The following LPP variants were observed in gnomAD, a reference collection of about 807,000 sequenced individuals.
LPP encodes lipoma-preferred partner.
Under a neutral mutation model 60.4 loss-of-function variants are expected in LPP, and 38 were observed. That is an observed-to-expected ratio of 0.63 (90% CI 0.49 to 0.83). The LOEUF (loss-of-function observed/expected upper bound fraction) is 0.83, where lower values mean the gene tolerates loss of function less well. Ranked by LOEUF, LPP falls within the 40% of genes least tolerant of loss-of-function variation. The pLI, the probability that LPP is intolerant of heterozygous loss-of-function variation, is 0.00. For missense variants in LPP, 902 were observed against 783.6 expected, an observed-to-expected ratio of 1.15 and a Z score of -1.80; for synonymous variants, 328 against 290.8, an observed-to-expected ratio of 1.13 and a Z score of -1.30.
At chr3:188,806,863 T>C (rs192425662) in intron 9 of LPP, among the ~76,000 whole-genome samples, 12 of 152,058 alleles carry the variant, frequency 7.9e-5, no homozygotes, top group Admixed American at 3.3e-4. Context: ...ATTTTACTTA[T>C]ATATATTCTA....
chr3:188,181,378 A>G (rs1724958902), intron 1 of LPP, among the ~76,000 whole-genome samples: 1 of 151,808 alleles, frequency 6.6e-6, no homozygotes, highest in Non-Finnish European at 1.5e-5. Context: ...AAAGAAGAAG[A>G]AAATAAAAAC....
intron 8 of LPP, 40 bp from the exon 9 acceptor site, chr3:188,760,073 T>A (rs775311383): frequency 1.2e-6 from 2 of 1,602,244 alleles, no homozygotes; most frequent in African/African-American, 1.3e-5. Flanking sequence ...AGGACTGAAG[T>A]ACTCCTTGGT....
chr3:188,551,299 T>C (rs1312484240), intron 6 of LPP, among the ~76,000 whole-genome samples: 1 of 152,116 alleles, frequency 6.6e-6, no homozygotes, highest in Admixed American at 6.5e-5. Flanking sequence ...ACTTATTGAC[T>C]ACCACGAGAA....
intron 3 of LPP, among the ~76,000 whole-genome samples, chr3:188,368,406 C>G (rs1489072223): frequency 6.7e-6 from 1 of 149,386 alleles, no homozygotes; most frequent in Non-Finnish European, 1.5e-5. Context: ...TCCCCTATGT[C>G]TTTAGGATAT....
intron 8 of LPP, among the ~76,000 whole-genome samples, chr3:188,728,485 C>G (rs1237106111): frequency 6.6e-6 from 1 of 152,092 alleles, no homozygotes; most frequent in Admixed American, 6.5e-5. Flanking sequence ...ATTAATTTGC[C>G]TGGGATCCTA....
At chr3:188,448,673 T>G (rs1433548510) in intron 4 of LPP, among the ~76,000 whole-genome samples, 1 of 152,102 alleles carries the variant, frequency 6.6e-6, no homozygotes, top group Non-Finnish European at 1.5e-5. Context: ...TCTGGAAATT[T>G]GTGTGGCCTG....
chr3:188,522,290 C>A (rs1381648672), intron 5 of LPP, among the ~76,000 whole-genome samples: 1 of 152,138 alleles, frequency 6.6e-6, no homozygotes, highest in Non-Finnish European at 1.5e-5. Context: ...GGCTAGCCTT[C>A]AAATCTGGGC....
intron 9 of LPP, among the ~76,000 whole-genome samples, chr3:188,814,548 A>T (rs574258515): frequency 6.6e-6 from 1 of 152,292 alleles, no homozygotes; most frequent in Non-Finnish European, 1.5e-5. Flanking sequence ...AATTCCATGT[A>T]CTTTTTTTCC....
At position 188,556,759 on chromosome 3, in the gene LPP, T is replaced by C. The variant is rs1050486545; in HGVS notation, c.429+31972T>C. 5.7e-5 allele frequency among the ~76,000 whole-genome samples: 8 copies of C among 140,504 alleles called. No homozygotes were observed. In the Admixed American group the frequency reaches 6.0e-4, roughly 11 times the overall value. 92.2% of individuals were successfully genotyped at this position (140,504 alleles called of 152,430 possible). On this transcript the variant is annotated intron_variant, in intron 6 of 11. Transcript: ENST00000617246. ...GAACCTTATGCAAGGGTTGGCACTT[T>C]TGGCACTTCAGGCTTGAAATCCAGG...
chr3:188,405,840 C>G (rs919899829), intron 3 of LPP, among the ~76,000 whole-genome samples: 3 of 151,994 alleles, frequency 2.0e-5, no homozygotes, highest in Non-Finnish European at 4.4e-5. Flanking sequence ...GGGAGATATT[C>G]AAGTTTGAGG....
At chr3:188,639,998 C>A (rs186621178) in intron 7 of LPP, among the ~76,000 whole-genome samples, 1 of 152,016 alleles carries the variant, frequency 6.6e-6, no homozygotes, top group Non-Finnish European at 1.5e-5. Context: ...TACCATTTGA[C>A]CCAGCCATCC....
intron 3 of LPP, among the ~76,000 whole-genome samples, chr3:188,359,849 G>A (rs976788003): frequency 3.3e-5 from 5 of 152,116 alleles, no homozygotes; most frequent in African/African-American, 7.2e-5. Context: ...ATTGCATGAC[G>A]ATACTCTTGT....
intron 9 of LPP, among the ~76,000 whole-genome samples, chr3:188,847,490 A>AAT (rs1312131624): frequency 3.9e-5 from 6 of 152,258 alleles, no homozygotes; most frequent in African/African-American, 1.4e-4. Flanking sequence ...GGAAGATGAC[A>AAT]GTGTATTCAA....
Position 188,610,453 on chromosome 3 carries a change from G to C in LPP, c.1113+609G>C, listed in dbSNP as rs1323862990. ...GGTCTAAGATAATGCAAATGCCTTGGACAGTTTCTCCTTTGAGAAGGGGCT... is the reference window on the plus strand; with the variant it reads ...GGTCTAAGATAATGCAAATGCCTTGCACAGTTTCTCCTTTGAGAAGGGGCT... On this transcript the variant is annotated intron_variant, in intron 7 of 11. Coordinates refer to ENST00000617246, the MANE Select transcript of LPP (RefSeq NM_001375462.1). This position sits in a 1 kb window ranked among gnomAD's most constrained non-coding sequence, Gnocchi z 4.4. 6.6e-6 allele frequency among the ~76,000 whole-genome samples: 1 copy of C among 152,214 alleles called. No homozygotes were observed. The highest frequency in any genetic ancestry group is 1.5e-5 in the Non-Finnish European group (1 of 68,032).
At chr3:188,403,809 G>A (rs932993192) in intron 3 of LPP, among the ~76,000 whole-genome samples, 3 of 152,152 alleles carry the variant, frequency 2.0e-5, no homozygotes, top group Non-Finnish European at 2.9e-5. Context: ...TTATAAATGT[G>A]TAAAATATGG....
Position 188,368,719 on chromosome 3 carries a change from C to CACACAGAGAG in LPP, c.-10+27001_-10+27002insCACAGAGAGA, listed in dbSNP as rs1257085181. ...ACACACACACACACACACACACACA[C>CACACAGAGAG]AGAGAGAGAGAGAGAGAGAGAGAGA... On this transcript the variant is annotated intron_variant, in intron 3 of 11. Transcript: ENST00000617246. Among the ~76,000 whole-genome samples the CACACAGAGAG allele has an allele frequency of 8.0e-5, 8 of 99,650 alleles. No homozygotes were observed. The East Asian group carries it at 8.6e-4, about 11-fold the overall frequency. 65.4% of individuals were successfully genotyped at this position (99,650 alleles called of 152,430 possible). A position where few individuals can be genotyped will look rare whatever the true frequency, so the allele number is the denominator to read the frequency against.
chr3:188,379,352 G>T (rs951340491), intron 3 of LPP, among the ~76,000 whole-genome samples: 2 of 152,240 alleles, frequency 1.3e-5, no homozygotes, highest in African/African-American at 4.8e-5. Flanking sequence ...TACAACTTTC[G>T]AAGAGACTAG....
chr3:188,727,560 G>A (rs1718881645), intron 8 of LPP, among the ~76,000 whole-genome samples: 1 of 152,116 alleles, frequency 6.6e-6, no homozygotes, highest in Non-Finnish European at 1.5e-5. Context: ...CCAGTCTAGA[G>A]AAGAGTTATG....
At chr3:188,387,344 A>G (rs1372261789) in intron 3 of LPP, among the ~76,000 whole-genome samples, 2 of 152,130 alleles carry the variant, frequency 1.3e-5, no homozygotes, top group African/African-American at 4.8e-5. Context: ...CATGCTGTGT[A>G]TCTCTTGACA....
Sources: allele counts gnomAD v4.1 joint callset (sites outside exome capture counted in the v4.1 genomes callset), GRCh38; gene constraint gnomAD v4.1.1; non-coding constraint Gnocchi (gnomAD v3.1); transcripts MANE v1.5; gene names NCBI Gene and HGNC (gene_info 2026-07-23, HGNC 2026-07-21).